STX12: variants seen among roughly 807,000 people sequenced by gnomAD.
The protein encoded by STX12 is syntaxin 12, also known as syntaxin-12.
Under a neutral mutation model 42.2 loss-of-function variants are expected in STX12, and 17 were observed. That is an observed-to-expected ratio of 0.40 (90% confidence interval 0.28 to 0.60). The LOEUF is 0.60. STX12 is among the 20% of genes least tolerant of loss of function. The pLI, the probability that STX12 is intolerant of heterozygous loss-of-function variation, is 0.39. For missense variants in STX12, 297 were observed against 330.9 expected (o/e 0.90, Z 0.79); for synonymous variants, 108 against 116.7 (o/e 0.93, Z 0.48).
chr1:27,795,133 G>A (rs778430558), intron 3 of STX12, among the ~76,000 whole-genome samples: 2 of 152,028 alleles, frequency 1.3e-5, no homozygotes, highest in Non-Finnish European at 2.9e-5. Context: ...TCAAAGTATG[G>A]GTTGTGGCTA....
At chr1:27,781,025 C>G (rs2088664702) in intron 1 of STX12, among the ~76,000 whole-genome samples, 1 of 151,718 alleles carries the variant, frequency 6.6e-6, no homozygotes, top group Non-Finnish European at 1.5e-5. Context: ...AGCAGGCGTT[C>G]AATAAATGGT....
chr1:27,773,269 G>A lies in STX12; in HGVS notation c.-39G>A. ...TCCCGGCTGGCGGCTGCTTCCGGTA[G>A]GAGAGCGGTGTAGAGCGAGCAGGTC... is the stretch of plus-strand genomic sequence containing the variant. On this transcript the variant is annotated 5_prime_UTR_variant, in exon 1 of 9. Transcript: ENST00000373943. 7.1e-7 allele frequency: 1 copy of A among 1,401,718 alleles called. No individual in the cohort carries two copies. Among genetic ancestry groups the A allele is most frequent in the Non-Finnish European group, 9.9e-7 (1 of 1,008,838 alleles). 86.8% of individuals were successfully genotyped at this position (1,401,718 alleles called of 1,614,324 possible).
chr1:27,792,788 G>T (rs2088758073), intron 2 of STX12, among the ~76,000 whole-genome samples: 2 of 152,158 alleles, frequency 1.3e-5, no homozygotes, highest in Non-Finnish European at 2.9e-5. Flanking sequence ...TGTCGTCTCA[G>T]AAAGCCTTTG....
At chr1:27,810,667 G>T (rs1350619594) in intron 5 of STX12, among the ~76,000 whole-genome samples, 1 of 152,166 alleles carries the variant, frequency 6.6e-6, no homozygotes, top group Non-Finnish European at 1.5e-5. Flanking sequence ...TTTATAAAAT[G>T]GAAGCAACTC....
At chr1:27,784,211 A>G (rs1557798723) in intron 1 of STX12, among the ~76,000 whole-genome samples, 2 of 151,988 alleles carry the variant, frequency 1.3e-5, no homozygotes, top group Non-Finnish European at 2.9e-5. Context: ...TTACTTTTTA[A>G]ATTTTTATTC....
At chr1:27,799,395 A>G (rs1378341846) in intron 3 of STX12, among the ~76,000 whole-genome samples, 1 of 149,950 alleles carries the variant, frequency 6.7e-6, no homozygotes, top group Non-Finnish European at 1.5e-5. Flanking sequence ...CTAAGTTACT[A>G]TTTTGTACCC....
chr1:27,798,301 C>T lies in STX12; in HGVS notation c.289-3377C>T, dbSNP rs144250635. Among the ~76,000 whole-genome samples the T allele has an allele frequency of 2.6e-3, 391 of 151,904 alleles. 2 individuals are homozygous for T. Among genetic ancestry groups the T allele is most frequent in the Admixed American group, 3.4e-3 (51 of 15,216 alleles). On this transcript the variant is annotated intron_variant, in intron 3 of 8. Coordinates refer to ENST00000373943, the MANE Select transcript of STX12 (RefSeq NM_177424.3). ...ATCCCAGAACTTTGGGAGGCTGAGG[C>T]GGGTGGATTGCTTGAGTACAGGAGT...
At position 27,811,359 on chromosome 1, in the gene STX12, C is replaced by G. The variant is rs576254326; in HGVS notation, c.471-804C>G. ...GTGGCTCAAGCCTGTAATCACAGCA[C>G]TTTGGCAGGTTGAGGCAGGAGGATA... On this transcript the variant is annotated intron_variant, in intron 5 of 8. Transcript: ENST00000373943. Among the ~76,000 whole-genome samples, 4 of 150,610 alleles carry G rather than the reference C, an allele frequency of 2.7e-5. No individual in the cohort carries two copies. In the East Asian group the frequency reaches 7.9e-4, roughly 30 times the overall value.
chr1:27,793,664 A>C, intron 3 of STX12, 32 bp downstream of exon 3: 1 of 1,582,502 alleles, frequency 6.3e-7, no homozygotes. Flanking sequence ...TATTAATAGG[A>C]AAGGACTTTG....
intron 3 of STX12, among the ~76,000 whole-genome samples, chr1:27,800,315 C>T (rs1041282040): frequency 6.6e-5 from 10 of 152,100 alleles, no homozygotes; most frequent in Non-Finnish European, 1.2e-4. Flanking sequence ...TGAGTTCTTA[C>T]TGATTATTCC....
At chr1:27,799,750 GGC>G (rs1464968496) in intron 3 of STX12, among the ~76,000 whole-genome samples, 3 of 150,540 alleles carry the variant, frequency 2.0e-5, no homozygotes, top group African/African-American at 7.3e-5. Context: ...CCAATAGCTT[GGC>G]GTTTTGTTTT....
At chr1:27,779,327 GTT>G (rs202084541) in intron 1 of STX12, among the ~76,000 whole-genome samples, 1 of 144,210 alleles carries the variant, frequency 6.9e-6, no homozygotes, top group African/African-American at 2.8e-5. Flanking sequence ...GGTTTTTTTT[GTT>G]TTTGTTTTTT....
chr1:27,787,315 C>T (rs2088706005), intron 1 of STX12, among the ~76,000 whole-genome samples: 1 of 152,126 alleles, frequency 6.6e-6, no homozygotes, highest in South Asian at 2.1e-4. Context: ...AATAGAAGCA[C>T]CCAGCAATAA....
intron 4 of STX12, among the ~76,000 whole-genome samples, chr1:27,806,651 C>A (rs2088864178): frequency 6.6e-6 from 1 of 152,136 alleles, no homozygotes; most frequent in Admixed American, 6.5e-5. Context: ...CAATTCGGTG[C>A]CACTGCCTTC....
chr1:27,810,092 A>G lies in STX12; in HGVS notation c.427-154A>G. The G allele has an allele frequency of 4.7e-6, 3 of 637,932 alleles. No homozygotes were observed. The South Asian group carries it at 6.2e-5, about 13-fold the overall frequency. The allele number at this position is 637,932 out of a possible 1,614,324, so 39.5% of individuals were successfully genotyped here. A position where few individuals can be genotyped will look rare whatever the true frequency, so the allele number is the denominator to read the frequency against. ...TTCAACCACTTTACACCCACTTCTT[A>G]GTTGAGACAGATTGCCAGAGTCCTA... On this transcript the variant is annotated intron_variant, in intron 4 of 8. Transcript: ENST00000373943.
At chr1:27,809,962 T>G in intron 4 of STX12, 1 of 256,542 alleles carries the variant, frequency 3.9e-6, no homozygotes. Flanking sequence ...TTTAAAATAT[T>G]TTATTGTTGT....
chr1:27,811,434 C>CAAAA (rs2088903269), intron 5 of STX12, among the ~76,000 whole-genome samples: 1 of 152,010 alleles, frequency 6.6e-6, no homozygotes, highest in African/African-American at 2.4e-5. Flanking sequence ...GCAAGACCCC[C>CAAAA]ATTTCTAAAA....
intron 3 of STX12, among the ~76,000 whole-genome samples, chr1:27,800,593 A>T (rs1170395466): frequency 6.6e-6 from 1 of 151,156 alleles, no homozygotes; most frequent in Non-Finnish European, 1.5e-5. Flanking sequence ...ACATGGCATG[A>T]TTTCAACTCA....
intron 8 of STX12, 107 bp from the exon 9 acceptor site, chr1:27,822,118 ATAGAGT>A: frequency 1.4e-6 from 1 of 701,062 alleles, no homozygotes. Context: ...TTTTGCATGG[ATAGAGT>A]TAATCTTTAA....
Sources: gnomAD v4.1 joint callset for allele counts (sites outside exome capture counted in the v4.1 genomes callset) on GRCh38, gnomAD v4.1.1 for gene constraint, MANE v1.5 for transcripts, NCBI Gene and HGNC (gene_info 2026-07-23, HGNC 2026-07-21) for gene names.